PDE1C: variants seen among roughly 807,000 people sequenced by gnomAD.
PDE1C encodes dual specificity calcium/calmodulin-dependent 3',5'-cyclic nucleotide phosphodiesterase 1C.
A neutral mutation model predicts 93.1 loss-of-function variants in PDE1C; 62 were observed. That is an observed-to-expected ratio of 0.67 (90% CI 0.54 to 0.82). PDE1C has a LOEUF of 0.82. Among genes scored for constraint, PDE1C ranks in the 40% least tolerant of loss-of-function variants. The pLI, the probability that PDE1C is intolerant of heterozygous loss-of-function variation, is 0.00. For synonymous variants in PDE1C, 325 were observed against 310.1 expected, an observed-to-expected ratio of 1.05 and a Z score of -0.50; for missense variants, 742 against 884.6, an observed-to-expected ratio of 0.84 and a Z score of 2.04.
intron 1 of PDE1C, among the ~76,000 whole-genome samples, chr7:32,379,883 T>C (rs1005306457): frequency 4.6e-5 from 7 of 152,228 alleles, no homozygotes. Context: ...CTTCTTTCCC[T>C]GGGAAACATC....
upstream of PDE1C, among the ~76,000 whole-genome samples, chr7:32,074,292 A>G (rs1796230727): frequency 1.3e-5 from 2 of 152,208 alleles, no homozygotes; most frequent in Non-Finnish European, 2.9e-5. Flanking sequence ...CTAAGATTTC[A>G]TGGTTCATTT....
intron 17 of PDE1C, among the ~76,000 whole-genome samples, chr7:31,759,598 T>C (rs1794701119): frequency 6.6e-6 from 1 of 152,226 alleles, no homozygotes; most frequent in Non-Finnish European, 1.5e-5. Flanking sequence ...AAGGCACATA[T>C]CTCAGCACAG....
intron 2 of PDE1C, among the ~76,000 whole-genome samples, chr7:32,181,097 T>G (rs1803375315): frequency 6.6e-6 from 1 of 152,154 alleles, no homozygotes; most frequent in South Asian, 2.1e-4. Context: ...ATCTGGATCA[T>G]ATATTAAAAA....
intron 2 of PDE1C, among the ~76,000 whole-genome samples, chr7:32,175,962 G>A (rs1223762576): frequency 1.3e-5 from 2 of 152,138 alleles, no homozygotes; most frequent in Non-Finnish European, 2.9e-5. Flanking sequence ...GTAAATTTCA[G>A]CACACCTGAT....
At chr7:32,308,402 A>G (rs928209507) in intron 1 of PDE1C, among the ~76,000 whole-genome samples, 2 of 152,246 alleles carry the variant, frequency 1.3e-5, no homozygotes, top group Admixed American at 6.5e-5. Flanking sequence ...CCCAGCACGC[A>G]GCTGGAGATC....
chr7:32,288,647 A>G (rs559679426), intron 1 of PDE1C, among the ~76,000 whole-genome samples: 4 of 152,318 alleles, frequency 2.6e-5, no homozygotes, highest in Admixed American at 2.0e-4. Context: ...GACTCGATAC[A>G]ATTTGAAAAG....
chr7:31,872,202 T>C (rs931518691), intron 6 of PDE1C, among the ~76,000 whole-genome samples: 5 of 152,128 alleles, frequency 3.3e-5, no homozygotes, highest in Non-Finnish European at 5.9e-5. Flanking sequence ...AGTAGAATGA[T>C]AGATACTGGA....
rs1251976036 is a variant in PDE1C, at chr7:32,228,226, C to T, written c.86-18687G>A. 8.5e-5 allele frequency among the ~76,000 whole-genome samples: 13 copies of T among 152,152 alleles called. No homozygotes were observed. The East Asian group carries it at 2.3e-3, about 27-fold the overall frequency. Reference sequence around the variant, plus strand: ...GAAGAACAAAAAGGATTTCACCAGGCCCAGAGACACATGCGTTGTGTTTCT... The same window carrying T: ...GAAGAACAAAAAGGATTTCACCAGGTCCAGAGACACATGCGTTGTGTTTCT... On this transcript the variant is annotated intron_variant, in intron 1 of 18. Transcript: ENST00000396193.
chr7:32,206,308 T>C (rs73106527), intron 2 of PDE1C, among the ~76,000 whole-genome samples: 1,630 of 152,192 alleles, frequency 0.011, 15 homozygotes, highest in Middle Eastern at 0.021. Context: ...GGCCAGTTTA[T>C]GCAGTCTTCA....
At chr7:31,754,496 A>T (rs1248379959) in intron 17 of PDE1C, among the ~76,000 whole-genome samples, 2 of 152,248 alleles carry the variant, frequency 1.3e-5, no homozygotes, top group African/African-American at 4.8e-5. Context: ...GATGTCCTTC[A>T]ATAGTTGAGT....
At chr7:31,838,681 C>T (rs964468263) in intron 9 of PDE1C, among the ~76,000 whole-genome samples, 37 of 152,106 alleles carry the variant, frequency 2.4e-4, no homozygotes, top group Non-Finnish European at 5.3e-4. Flanking sequence ...CTTCGATTCA[C>T]CCCTCTCTTT....
chr7:32,189,862 A>G (rs560521356), intron 2 of PDE1C, among the ~76,000 whole-genome samples: 383 of 152,326 alleles, frequency 2.5e-3, no homozygotes, highest in African/African-American at 9.0e-3. Context: ...CTCCTATGGG[A>G]AAGAACTGTG....
At chr7:32,066,234 T>G (rs945224745) in intron 1 of PDE1C, among the ~76,000 whole-genome samples, 1 of 152,178 alleles carries the variant, frequency 6.6e-6, no homozygotes, top group Non-Finnish European at 1.5e-5. Flanking sequence ...GCCAGTCCTG[T>G]AGTATGCTGG....
chr7:31,729,763 C>G, the PDE1C span, among the ~76,000 whole-genome samples: 2 of 152,176 alleles, frequency 1.3e-5, no homozygotes, highest in Non-Finnish European at 2.9e-5. Flanking sequence ...GAGATCTTCT[C>G]CCTTTAACCC....
intron 1 of PDE1C, among the ~76,000 whole-genome samples, chr7:32,378,189 T>A (rs968888142): frequency 6.6e-6 from 1 of 152,168 alleles, no homozygotes; most frequent in Non-Finnish European, 1.5e-5. Flanking sequence ...ACCTCCTCCC[T>A]TACTCAGGCA....
At chr7:32,178,365 G>A (rs889274542) in intron 2 of PDE1C, among the ~76,000 whole-genome samples, 3 of 152,092 alleles carry the variant, frequency 2.0e-5, no homozygotes, top group Non-Finnish European at 4.4e-5. Flanking sequence ...CCACAAATGT[G>A]GGCAGAAGAC....
At chr7:31,785,935 ATTTTC>A (rs1338753873) in intron 16 of PDE1C, 2 of 152,092 alleles carry the variant, frequency 1.3e-5, no homozygotes, top group Non-Finnish European at 2.9e-5. Flanking sequence ...CATTAAGTTC[ATTTTC>A]TTAGTGATAA....
At chr7:31,689,257 G>A in the PDE1C span, among the ~76,000 whole-genome samples, 1 of 152,190 alleles carries the variant, frequency 6.6e-6, no homozygotes, top group East Asian at 1.9e-4. Flanking sequence ...AAGGTCACAA[G>A]TCTTTGTAGT....
intron 2 of PDE1C, among the ~76,000 whole-genome samples, chr7:31,901,792 A>G (rs1283810021): frequency 1.3e-5 from 2 of 151,692 alleles, no homozygotes; most frequent in African/African-American, 4.8e-5. Flanking sequence ...GAATAAATAG[A>G]ATTTCCAGGA....
Sources: gnomAD v4.1 joint callset for allele counts (sites outside exome capture counted in the v4.1 genomes callset) on GRCh38, gnomAD v4.1.1 for gene constraint, MANE v1.5 for transcripts, NCBI Gene and HGNC (gene_info 2026-07-23, HGNC 2026-07-21) for gene names.